Variants in FHIT observed in about 807,000 individuals in gnomAD.
FHIT encodes fragile histidine triad diadenosine triphosphatase, also known as bis(5'-adenosyl)-triphosphatase.
In FHIT, 19 loss-of-function variants were observed where a neutral mutation model predicts 17.9. That is an observed-to-expected ratio of 1.06 (90% CI 0.74 to 1.56). The LOEUF is 1.56. Among genes scored for constraint, FHIT ranks in the 40% most tolerant of loss-of-function variants. FHIT has a pLI of 0.00. For synonymous variants in FHIT, 81 were observed against 69.7 expected (o/e 1.16, Z -0.81); for missense variants, 248 against 189.2 (o/e 1.31, Z -1.82).
intron 4 of FHIT, among the ~76,000 whole-genome samples, chr3:60,696,468 C>T (rs1217717218): frequency 2.6e-5 from 4 of 152,138 alleles, no homozygotes; most frequent in African/African-American, 9.7e-5. Context: ...TGCAAAATTG[C>T]CTATTTCCTA....
intron 5 of FHIT, among the ~76,000 whole-genome samples, chr3:60,502,454 T>A (rs982274438): frequency 6.6e-5 from 10 of 152,212 alleles, no homozygotes; most frequent in African/African-American, 2.4e-4. Context: ...TCTCCTCATT[T>A]GACATCTAAT....
intron 5 of FHIT, among the ~76,000 whole-genome samples, chr3:60,110,697 G>T (rs1704632970): frequency 6.6e-6 from 1 of 152,138 alleles, no homozygotes; most frequent in Non-Finnish European, 1.5e-5. Context: ...AGCACCAAGT[G>T]TTACATATAA....
In FHIT at chr3:60,510,160, A is replaced by T. The variant is rs116659574; in HGVS notation, c.103+26700T>A. ...CAGGTATGAAGAACACAGGAAACCAATGGTAGCAAAAGGAAACCCAATGCC... is the reference window on the plus strand; with the variant it reads ...CAGGTATGAAGAACACAGGAAACCATTGGTAGCAAAAGGAAACCCAATGCC... On this transcript the variant is annotated intron_variant, in intron 5 of 9. Transcript: ENST00000492590. 8.0e-3 allele frequency among the ~76,000 whole-genome samples: 1,221 copies of T among 152,300 alleles called. 22 individuals are homozygous for T. The highest frequency in any genetic ancestry group is 0.028 in the African/African-American group (1,167 of 41,562).
chr3:60,290,173 A>G (rs558871788), intron 5 of FHIT, among the ~76,000 whole-genome samples: 125 of 152,204 alleles, frequency 8.2e-4, no homozygotes, highest in Non-Finnish European at 1.1e-3. Context: ...CACATACCCT[A>G]AGCTAGAAAT....
At chr3:60,390,031 T>C (rs1229594177) in intron 5 of FHIT, among the ~76,000 whole-genome samples, 2 of 152,172 alleles carry the variant, frequency 1.3e-5, no homozygotes, top group Non-Finnish European at 2.9e-5. Context: ...TCTGCTGCAA[T>C]CTCTCTGTTG....
intron 7 of FHIT, among the ~76,000 whole-genome samples, chr3:59,982,958 AT>A (rs891127737): frequency 3.3e-5 from 5 of 150,532 alleles, no homozygotes; most frequent in African/African-American, 9.8e-5. Flanking sequence ...TCTTTTTTTG[AT>A]TTTTTTTTTC....
At chr3:60,005,328 C>T (rs530565415) in intron 7 of FHIT, among the ~76,000 whole-genome samples, 1 of 151,946 alleles carries the variant, frequency 6.6e-6, no homozygotes, top group East Asian at 1.9e-4. Context: ...TGATTTGTAT[C>T]TACTTAGGAA....
chr3:60,132,428 G>A (rs1451116294), intron 5 of FHIT, among the ~76,000 whole-genome samples: 1 of 152,138 alleles, frequency 6.6e-6, no homozygotes, highest in African/African-American at 2.4e-5. Flanking sequence ...AGAAAGAAAA[G>A]TAAACCATTT....
chr3:60,557,275 C>G (rs1379333033), intron 4 of FHIT, among the ~76,000 whole-genome samples: 2 of 152,126 alleles, frequency 1.3e-5, no homozygotes, highest in Non-Finnish European at 2.9e-5. Flanking sequence ...CTGGTCTCCT[C>G]CCCACCTCCA....
intron 2 of FHIT, among the ~76,000 whole-genome samples, chr3:61,183,140 T>C (rs2038395097): frequency 6.6e-6 from 1 of 152,230 alleles, no homozygotes; most frequent in Non-Finnish European, 1.5e-5. Flanking sequence ...CTGTTGCTTC[T>C]TGCCATACTT....
At chr3:59,968,963 T>C (rs10510821) in intron 7 of FHIT, among the ~76,000 whole-genome samples, 16,280 of 152,232 alleles carry the variant, frequency 0.11, 958 homozygotes, top group Middle Eastern at 0.18. Context: ...GGTCTCTTCA[T>C]CTTCGAATTT....
At chr3:60,037,574 G>T (rs1701271525) in intron 5 of FHIT, among the ~76,000 whole-genome samples, 1 of 151,788 alleles carries the variant, frequency 6.6e-6, no homozygotes, top group South Asian at 2.1e-4. Flanking sequence ...TAGAGACAGG[G>T]TTTCACCATG....
chr3:60,003,648 G>C (rs190841504), intron 7 of FHIT, among the ~76,000 whole-genome samples: 54 of 152,170 alleles, frequency 3.5e-4, no homozygotes, highest in Admixed American at 1.6e-3. Flanking sequence ...AGGAGGGTGA[G>C]GTGGGAGGAT....
intron 4 of FHIT, among the ~76,000 whole-genome samples, chr3:60,565,696 CT>C (rs2037110482): frequency 6.6e-6 from 1 of 152,222 alleles, no homozygotes; most frequent in Non-Finnish European, 1.5e-5. Context: ...AACTGCTAGA[CT>C]TTTCAAAAAA....
At chr3:60,321,390 T>C (rs1709425901) in intron 5 of FHIT, among the ~76,000 whole-genome samples, 1 of 152,128 alleles carries the variant, frequency 6.6e-6, no homozygotes, top group Non-Finnish European at 1.5e-5. Context: ...ACAGGAGTAT[T>C]GTTTGAACTC....
chr3:60,430,082 G>A (rs1279603260), intron 5 of FHIT, among the ~76,000 whole-genome samples: 6 of 151,892 alleles, frequency 4.0e-5, no homozygotes, highest in Admixed American at 1.3e-4. Context: ...ACAAAGCCAT[G>A]ATCATGGCAC....
chr3:60,643,275 A>T (rs1467866625), intron 4 of FHIT, among the ~76,000 whole-genome samples: 1 of 152,020 alleles, frequency 6.6e-6, no homozygotes, highest in Non-Finnish European at 1.5e-5. Context: ...CTGGAAACAC[A>T]TCCTATGCTC....
intron 3 of FHIT, among the ~76,000 whole-genome samples, chr3:60,862,851 C>CA (rs35183529): frequency 0.3 from 31,908 of 107,360 alleles, 4,046 homozygotes; most frequent in Middle Eastern, 0.38. Flanking sequence ...AACTCCCTCT[C>CA]AAAAAAAAAA....
intron 5 of FHIT, among the ~76,000 whole-genome samples, chr3:60,418,372 GTGTGTATATATATATA>G (rs869302378): frequency 0.016 from 88 of 5,336 alleles, 2 homozygotes; most frequent in African/African-American, 0.017. Context: ...GTATCTGAAT[GTGTGTATATATATATA>G]TATATATATA....
Sources: gnomAD v4.1 joint callset for allele counts (sites outside exome capture counted in the v4.1 genomes callset) on GRCh38, gnomAD v4.1.1 for gene constraint, MANE v1.5 for transcripts, NCBI Gene and HGNC (gene_info 2026-07-23, HGNC 2026-07-21) for gene names.